ITGB6: variants seen among roughly 807,000 people sequenced by gnomAD.
ITGB6 encodes integrin beta-6.
In ITGB6, 80 loss-of-function variants were observed where a neutral mutation model predicts 84.5. The observed-to-expected ratio is 0.95, with a 90% CI of 0.79 to 1.14. The LOEUF (loss-of-function observed/expected upper bound fraction) is 1.14. Among genes scored for constraint, ITGB6 ranks in the 50% most tolerant of loss-of-function variants. The pLI is 0.00. For missense variants in ITGB6, 1,006 were observed against 968.0 expected (o/e 1.04, Z -0.52); for synonymous variants, 383 against 354.9 (o/e 1.08, Z -0.89).
intron 11 of ITGB6, among the ~76,000 whole-genome samples, chr2:160,125,099 C>T (rs887700009): frequency 1.3e-5 from 2 of 151,318 alleles, no homozygotes; most frequent in African/African-American, 4.9e-5. Context: ...TCAGCCTAGA[C>T]AGCATTGCAA....
rs887700009 is a variant in ITGB6, at chr2:160,125,099, C to G, written c.1884-1211G>C. Reference sequence around the variant, plus strand: ...CCCCTATTAAAACTGTCAGCCTAGACAGCATTGCAATGACTTTAAAAGATG... The same window carrying G: ...CCCCTATTAAAACTGTCAGCCTAGAGAGCATTGCAATGACTTTAAAAGATG... On this transcript the variant is annotated intron_variant, in intron 11 of 14. Transcript: ENST00000283249. 9.3e-4 allele frequency among the ~76,000 whole-genome samples: 140 copies of G among 151,318 alleles called. 1 individual carries two copies. Among genetic ancestry groups the G allele is most frequent in the Non-Finnish European group, 1.9e-4 (13 of 67,928 alleles).
chr2:160,122,277 C>G (rs1395972989), intron 12 of ITGB6, among the ~76,000 whole-genome samples: 1 of 152,118 alleles, frequency 6.6e-6, no homozygotes. Flanking sequence ...TAGTCTTCCT[C>G]TCCAATCTCA....
intron 4 of ITGB6, among the ~76,000 whole-genome samples, chr2:160,179,630 T>C (rs1574128074): frequency 6.6e-6 from 1 of 150,510 alleles, no homozygotes; most frequent in Admixed American, 6.6e-5. Context: ...TGACCTCAGG[T>C]GATCTGCCCA....
chr2:160,177,653 G>A (rs561326933), intron 4 of ITGB6, among the ~76,000 whole-genome samples: 160 of 151,806 alleles, frequency 1.1e-3, no homozygotes, highest in Non-Finnish European at 1.8e-3. Flanking sequence ...GGTGTTTTTG[G>A]ATATATATCT....
intron 12 of ITGB6, among the ~76,000 whole-genome samples, chr2:160,115,507 T>C (rs368233552): frequency 3.9e-5 from 6 of 152,158 alleles, no homozygotes; most frequent in East Asian, 3.9e-4. Context: ...CAAAAACCCT[T>C]CTGTACATCA....
chr2:160,185,514 G>C (rs1040055974), intron 4 of ITGB6, among the ~76,000 whole-genome samples: 1 of 152,174 alleles, frequency 6.6e-6, no homozygotes, highest in Non-Finnish European at 1.5e-5. Flanking sequence ...TCATGGATAG[G>C]AAGAATCAAT....
chr2:160,106,286 T>C (rs1239100374), intron 14 of ITGB6, among the ~76,000 whole-genome samples: 1 of 152,222 alleles, frequency 6.6e-6, no homozygotes, highest in African/African-American at 2.4e-5. Flanking sequence ...TCACCTAGGC[T>C]GGAATGCAAT....
intron 12 of ITGB6, among the ~76,000 whole-genome samples, chr2:160,117,440 G>T (rs953629123): frequency 1.3e-5 from 2 of 152,066 alleles, no homozygotes; most frequent in African/African-American, 4.8e-5. Flanking sequence ...AATGAAGGCA[G>T]AAATAAAGAT....
Position 160,195,444 on chromosome 2 carries a change from C to G in ITGB6, c.518G>C (p.Gly173Ala), listed in dbSNP as rs1387477826. The change falls in exon 4 of 15, where the codon GGC (glycine) becomes GCC (alanine). Residue 173 changes from glycine (G) to alanine (A), a missense_variant. Gly to Ala is a moderately conservative substitution (Grantham distance 60). Transcript: ENST00000283249. Reference sequence around the variant, plus strand: ...AGGTTTTTCCACAAAAGATCCGAAGCCCAGTCTAAAGTTGCTGGTTAATTT... The same window carrying G: ...AGGTTTTTCCACAAAAGATCCGAAGGCCAGTCTAAAGTTGCTGGTTAATTT... ...MSKLTSNFRL[G>A]FGSFVEKPVS... The G allele has an allele frequency of 5.0e-6, 8 of 1,614,186 alleles. No homozygotes were observed. In the South Asian group the frequency reaches 8.8e-5, roughly 18 times the overall value.
At chr2:160,113,252 TA>T (rs1292651826) in intron 12 of ITGB6, among the ~76,000 whole-genome samples, 5 of 152,210 alleles carry the variant, frequency 3.3e-5, no homozygotes, top group Non-Finnish European at 5.9e-5. Context: ...AGCTTAAAAA[TA>T]AAAACATTAA....
intron 8 of ITGB6, among the ~76,000 whole-genome samples, chr2:160,138,658 A>AT (rs1683869559): frequency 6.6e-6 from 1 of 152,200 alleles, no homozygotes; most frequent in South Asian, 2.1e-4. Context: ...CTTAGCTCCC[A>AT]TAAATCAGCT....
chr2:160,125,422 A>T (rs771039010), intron 11 of ITGB6, among the ~76,000 whole-genome samples: 1 of 152,230 alleles, frequency 6.6e-6, no homozygotes, highest in African/African-American at 2.4e-5. Flanking sequence ...AAAACAGAAA[A>T]GTAATAGAAG....
chr2:160,200,096 A>C lies in ITGB6; in HGVS notation c.-33T>G. ...AGTTCTTGCTGTGCAGACCGATTAA[A>C]AAATGAATTACCTTCAGCGTTACAA... is the stretch of plus-strand genomic sequence containing the variant. On this transcript the variant is annotated 5_prime_UTR_variant, in exon 1 of 15. Transcript: ENST00000283249. The C allele has an allele frequency of 6.3e-7, 1 of 1,583,550 alleles. No individual in the cohort carries two copies. Among genetic ancestry groups the C allele is most frequent in the Non-Finnish European group, 8.7e-7 (1 of 1,154,046 alleles).
At chr2:160,125,998 CTGTT>C (rs1490669861) in intron 11 of ITGB6, among the ~76,000 whole-genome samples, 1 of 152,186 alleles carries the variant, frequency 6.6e-6, no homozygotes, top group Non-Finnish European at 1.5e-5. Context: ...AGAAGCTTGT[CTGTT>C]TCCCCTGAAA....
intron 7 of ITGB6, among the ~76,000 whole-genome samples, chr2:160,157,658 A>C (rs566969145): frequency 6.6e-6 from 1 of 152,224 alleles, no homozygotes; most frequent in South Asian, 2.1e-4. Flanking sequence ...GAGCAAAAAG[A>C]AAAGGAGAAA....
chr2:160,172,483 T>C, intron 6 of ITGB6, 86 bp downstream of exon 6: 1 of 1,253,768 alleles, frequency 8.0e-7, no homozygotes, highest in Non-Finnish European at 1.1e-6. Context: ...TCACCAAGTG[T>C]ATGTTATTTC....
At chr2:160,195,162 C>T (rs1686282767) in intron 4 of ITGB6, among the ~76,000 whole-genome samples, 2 of 152,260 alleles carry the variant, frequency 1.3e-5, no homozygotes, top group African/African-American at 2.4e-5. Context: ...AATGCAGAGG[C>T]CTCAAGGACC....
rs1048279873 is a variant in ITGB6 at position 160,189,539 on chromosome 2, C to T, written c.593+5830G>A. Among the ~76,000 whole-genome samples, 15 of 152,212 alleles carry T rather than the reference C, an allele frequency of 9.9e-5. No individual in the cohort carries two copies. The South Asian group carries it at 1.2e-3, about 13-fold the overall frequency. On this transcript the variant is annotated intron_variant, in intron 4 of 14. Transcript: ENST00000283249. The stretch of plus-strand genomic sequence containing the variant: ...ACAAACAACCCCATCAAAAAGTGGG[C>T]GAAGGATATGAACAGACACTTGTCA...
At chr2:160,171,375 C>T (rs1260403497) in intron 6 of ITGB6, among the ~76,000 whole-genome samples, 2 of 147,504 alleles carry the variant, frequency 1.4e-5, no homozygotes, top group Non-Finnish European at 3.0e-5. Flanking sequence ...CGCTCTGTCG[C>T]CCAGGCTAGA....
Sources: gnomAD v4.1 joint callset for allele counts (sites outside exome capture counted in the v4.1 genomes callset) on GRCh38, gnomAD v4.1.1 for gene constraint, MANE v1.5 for transcripts, NCBI Gene and HGNC (gene_info 2026-07-23, HGNC 2026-07-21) for gene names.